Variants in FBXO16 observed in about 807,000 individuals in gnomAD.
FBXO16 encodes F-box protein 16.
Under a neutral mutation model 41.0 loss-of-function variants are expected in FBXO16, and 31 were observed. The observed-to-expected ratio is 0.76, with a 90% CI of 0.57 to 1.02. The LOEUF is 1.02. Ranked by LOEUF, FBXO16 falls within the 50% of genes least tolerant of loss-of-function variation. FBXO16 has a pLI of 0.00. For synonymous variants in FBXO16, 133 were observed against 117.8 expected (o/e 1.13, Z -0.84); for missense variants, 361 against 346.2 (o/e 1.04, Z -0.34).
intron 8 of FBXO16, among the ~76,000 whole-genome samples, chr8:28,429,107 T>C (rs961770575): frequency 6.6e-6 from 1 of 152,206 alleles, no homozygotes; most frequent in Non-Finnish European, 1.5e-5. Context: ...ACTTGGGATT[T>C]TTAGATGAGA....
Position 28,438,256 on chromosome 8 carries a change from CAG to C in FBXO16, c.844-8855_844-8854del, listed in dbSNP as rs1802714140. On this transcript the variant is annotated intron_variant, in intron 7 of 8. Transcript: ENST00000380254. The stretch of plus-strand genomic sequence containing the variant: ...ACTTGAACCTGAGAGGCAGAGGCTG[CAG>C]TGACCCAAGATTGCATCACTGCATT... 3.3e-5 allele frequency among the ~76,000 whole-genome samples: 5 copies of C among 152,216 alleles called. No individual in the cohort carries two copies. In the South Asian group the frequency reaches 1.0e-3, roughly 32 times the overall value.
chr8:28,428,723 G>C lies in FBXO16; in HGVS notation c.*4C>G, dbSNP rs1017479594. 4 of 1,555,474 alleles carry C rather than the reference G, an allele frequency of 2.6e-6. No homozygotes were observed. In the African/African-American group the frequency reaches 5.6e-5, roughly 22 times the overall value. On this transcript the variant is annotated 3_prime_UTR_variant, in exon 9 of 9. Coordinates refer to ENST00000380254, the MANE Select transcript of FBXO16 (RefSeq NM_172366.4). The stretch of plus-strand genomic sequence containing the variant: ...AGCTGGAACTTTTAGGGGAGAGCTG[G>C]CACTTAGGGACATCTAGAAAGGAAA...
chr8:28,475,636 A>G (rs1803411869), intron 2 of FBXO16, among the ~76,000 whole-genome samples: 1 of 152,120 alleles, frequency 6.6e-6, no homozygotes, highest in African/African-American at 2.4e-5. Flanking sequence ...CTCCTACTCA[A>G]TTTATAGTTC....
intron 4 of FBXO16, among the ~76,000 whole-genome samples, chr8:28,462,425 C>A (rs894811435): frequency 2.0e-5 from 3 of 151,862 alleles, no homozygotes; most frequent in Non-Finnish European, 2.9e-5. Context: ...ACTACAGGCG[C>A]CCGCCACCAC....
rs140669804 is a variant in FBXO16 at position 28,474,232 on chromosome 8, C to T, written c.100-425G>A. On this transcript the variant is annotated intron_variant, in intron 2 of 8. Coordinates refer to ENST00000380254, the MANE Select transcript of FBXO16 (RefSeq NM_172366.4). ...CCAGCTGAGGCTGAAGTGGGAGGAT[C>T]GCTTGAGCCCGGGGAGTTGAGGCTG... Among the ~76,000 whole-genome samples the T allele has an allele frequency of 2.7e-3, 389 of 141,852 alleles. 2 individuals are homozygous for T. The highest frequency in any genetic ancestry group is 0.01 in the African/African-American group (379 of 37,656). 93.1% of individuals were successfully genotyped at this position (141,852 alleles called of 152,430 possible). A position where few individuals can be genotyped will look rare whatever the true frequency, so the allele number is the denominator to read the frequency against.
At chr8:28,487,922 G>A (rs1424379875) in intron 1 of FBXO16, among the ~76,000 whole-genome samples, 7 of 151,008 alleles carry the variant, frequency 4.6e-5, no homozygotes, top group Non-Finnish European at 8.9e-5. Flanking sequence ...GCACAAACTC[G>A]GCTCACCACA....
intron 5 of FBXO16, among the ~76,000 whole-genome samples, 193 bp from the exon 6 acceptor site, chr8:28,452,669 C>T (rs1202162403): frequency 2.6e-5 from 4 of 151,900 alleles, no homozygotes; most frequent in Non-Finnish European, 2.9e-5. Flanking sequence ...GGTGTGGTGG[C>T]GGGCACCTGT....
chr8:28,481,811 GA>G (rs71549671), intron 2 of FBXO16, among the ~76,000 whole-genome samples: 2,877 of 130,816 alleles, frequency 0.022, 28 homozygotes, highest in Non-Finnish European at 0.024. Context: ...TCTGTTTCAG[GA>G]AAAAAAAAAA....
chr8:28,473,814 T>C lies in FBXO16; in HGVS notation c.100-7A>G, dbSNP rs762577683. 4 of 1,593,238 alleles carry C rather than the reference T, an allele frequency of 2.5e-6. No homozygotes were observed. The highest frequency in any genetic ancestry group is 1.7e-4 in the Middle Eastern group (1 of 5,982). On this transcript the variant is annotated splice_region_variant and splice_polypyrimidine_tract_variant and intron_variant, in intron 2 of 8. Transcript: ENST00000380254. ...CTCTTCTTTCTTCAAATACCTACAG[T>C]AAGTAAAAAAGAATATGGTAATTTC...
intron 5 of FBXO16, among the ~76,000 whole-genome samples, chr8:28,455,110 C>G (rs1451188884): frequency 3.3e-5 from 5 of 149,280 alleles, no homozygotes; most frequent in Admixed American, 2.7e-4. Flanking sequence ...CAGTCTTGCT[C>G]TATCGCCCAG....
In FBXO16 at chr8:28,452,358, T is replaced by C. The variant is rs754646979; in HGVS notation, c.626A>G (p.Asn209Ser). The change falls in exon 6 of 9, where the codon AAT becomes AGT. Residue 209 changes from asparagine (N) to serine (S), a missense_variant. Physicochemically the swap from Asn to Ser is conservative, Grantham distance 46 (BLOSUM62 1). Transcript: ENST00000380254. Reference sequence around the variant, plus strand: ...TGGAAGTGCTTTCTCCCCTGAGTTATTCTTCTTTCTTAAAGAGGAAGAGGA... The same window carrying C: ...TGGAAGTGCTTTCTCCCCTGAGTTACTCTTCTTTCTTAAAGAGGAAGAGGA... ...FRSSSSLRKK[N>S]NSGEKALPPW... 2.5e-6 allele frequency: 4 copies of C among 1,614,040 alleles called. No individual in the cohort carries two copies. The African/African-American group carries it at 5.3e-5, about 22-fold the overall frequency.
chr8:28,444,035 T>C (rs887134926), intron 7 of FBXO16, among the ~76,000 whole-genome samples: 1 of 152,188 alleles, frequency 6.6e-6, no homozygotes, highest in East Asian at 1.9e-4. Context: ...CTTTAGGTTC[T>C]TAATAAACTT....
At chr8:28,435,922 G>A (rs1020144592) in intron 7 of FBXO16, among the ~76,000 whole-genome samples, 3 of 152,184 alleles carry the variant, frequency 2.0e-5, no homozygotes, top group African/African-American at 7.2e-5. Flanking sequence ...CTATCAGAGT[G>A]ATGTGGTAAT....
At chr8:28,439,104 A>G (rs964553579) in intron 7 of FBXO16, among the ~76,000 whole-genome samples, 7 of 151,812 alleles carry the variant, frequency 4.6e-5, no homozygotes, top group African/African-American at 1.7e-4. Context: ...CAAAAAAAAA[A>G]AAAAAGAAAA....
chr8:28,458,845 G>T (rs1260647188), intron 4 of FBXO16, among the ~76,000 whole-genome samples: 1 of 151,986 alleles, frequency 6.6e-6, no homozygotes. Context: ...GTGTTATTTT[G>T]TTTGTTTAAA....
chr8:28,452,471 G>A lies in FBXO16; in HGVS notation c.513C>T (p.Pro171=), dbSNP rs1251907881. Residue 171 remains proline, a synonymous_variant, in exon 6 of 9, where the codon CCC becomes CCT. Coordinates refer to ENST00000380254, the MANE Select transcript of FBXO16 (RefSeq NM_172366.4). ...KELHITKPKT[P]PKDGFVIADV... ...CAGCGATTACAAATCCATCCTTTGGGGGTGTCTAGAAGAAGAAAGTTAATT... is the reference window on the plus strand; with the variant it reads ...CAGCGATTACAAATCCATCCTTTGGAGGTGTCTAGAAGAAGAAAGTTAATT... 1 of 1,613,488 alleles carries A rather than the reference G, an allele frequency of 6.2e-7. No individual in the cohort carries two copies. Among genetic ancestry groups the A allele is most frequent in the Non-Finnish European group, 8.5e-7 (1 of 1,179,958 alleles).
At chr8:28,441,375 G>C (rs1222867052) in intron 7 of FBXO16, among the ~76,000 whole-genome samples, 2 of 152,154 alleles carry the variant, frequency 1.3e-5, no homozygotes, top group Non-Finnish European at 2.9e-5. Context: ...TATGAGTTTA[G>C]CAAAGTCTCT....
Position 28,463,597 on chromosome 8 carries a change from C to T in FBXO16, c.342+15G>A, listed in dbSNP as rs1260926295. On this transcript the variant is annotated intron_variant, in intron 4 of 8. Transcript: ENST00000380254. ...TGTCCTCACAAAACACCACATACCC[C>T]TTCCTTGCCTTTACCTGTGCACAAC... is the stretch of plus-strand genomic sequence containing the variant. 1 of 1,613,000 alleles carries T rather than the reference C, an allele frequency of 6.2e-7. No individual in the cohort carries two copies.
At chr8:28,442,846 T>A (rs918130396) in intron 7 of FBXO16, among the ~76,000 whole-genome samples, 2 of 152,126 alleles carry the variant, frequency 1.3e-5, no homozygotes, top group African/African-American at 4.8e-5. Flanking sequence ...ATAGGAAACA[T>A]GACAAGCTCA....
Sources: allele counts gnomAD v4.1 joint callset (sites outside exome capture counted in the v4.1 genomes callset), GRCh38; gene constraint gnomAD v4.1.1; transcripts MANE v1.5; gene names NCBI Gene and HGNC (gene_info 2026-07-23, HGNC 2026-07-21).